The following HS6ST2 variants were observed in gnomAD, a reference collection of about 807,000 sequenced individuals.
HS6ST2 encodes the protein heparan-sulfate 6-O-sulfotransferase 2.
In HS6ST2, 17 loss-of-function variants were observed where a neutral mutation model predicts 33.0. The observed-to-expected ratio is 0.52, with a 90% confidence interval of 0.35 to 0.77. The LOEUF is 0.77. Ranked by LOEUF, HS6ST2 falls within the 30% of genes least tolerant of loss-of-function variation. The pLI is 0.01. For synonymous variants in HS6ST2, 248 were observed against 237.1 expected (o/e 1.05, Z -0.42); for missense variants, 519 against 551.7 (o/e 0.94, Z 0.59).
intron 2 of HS6ST2, among the ~76,000 whole-genome samples, chrX:132,804,438 G>A (rs908122909): frequency 2.7e-5 from 3 of 111,787 alleles, no homozygotes; most frequent in Non-Finnish European, 5.6e-5. Flanking sequence ...AAGCCCACAA[G>A]TTGCTATACT....
At chrX:132,812,510 C>T (rs2065358490) in intron 2 of HS6ST2, among the ~76,000 whole-genome samples, 1 of 106,954 alleles carries the variant, frequency 9.3e-6, no homozygotes, top group Non-Finnish European at 1.9e-5. Context: ...TTTTGATTTG[C>T]ATTTCCCTAA....
At chrX:132,777,785 C>T (rs753017697) in intron 2 of HS6ST2, among the ~76,000 whole-genome samples, 2 of 110,914 alleles carry the variant, frequency 1.8e-5, no homozygotes, top group South Asian at 3.9e-4. Context: ...TAGACTAATG[C>T]TCCATGTCCT....
chrX:132,637,841 T>TTTATATATAATATATATATAATATA (rs1569475914), intron 4 of HS6ST2, among the ~76,000 whole-genome samples: 14 of 41,940 alleles, frequency 3.3e-4, no homozygotes, highest in East Asian at 2.7e-3. Context: ...TATATAATAT[T>TTTATATATAATATATATATAATATA]TTATATATAA....
chrX:132,644,468 G>T (rs1419605504), intron 4 of HS6ST2, among the ~76,000 whole-genome samples: 5 of 111,213 alleles, frequency 4.5e-5, no homozygotes, highest in African/African-American at 1.6e-4. Context: ...AGTGGGTCTA[G>T]GACCAGAACC....
intron 4 of HS6ST2, among the ~76,000 whole-genome samples, chrX:132,629,970 G>A (rs1342936404): frequency 1.8e-5 from 2 of 112,617 alleles, no homozygotes; most frequent in East Asian, 5.6e-4. Context: ...CTGTATGGCT[G>A]TCTTCTCTTT....
At chrX:132,684,271 G>C (rs1450355330) in intron 3 of HS6ST2, among the ~76,000 whole-genome samples, 1 of 99,258 alleles carries the variant, frequency 1.0e-5, no homozygotes, top group Non-Finnish European at 2.0e-5. Context: ...GTATATATAT[G>C]TATATACATA....
At chrX:132,845,109 A>G (rs1164473931) in intron 2 of HS6ST2, among the ~76,000 whole-genome samples, 1 of 108,468 alleles carries the variant, frequency 9.2e-6, no homozygotes, top group Non-Finnish European at 1.9e-5. Context: ...TTATATATTA[A>G]CAATTAATAA....
intron 2 of HS6ST2, among the ~76,000 whole-genome samples, chrX:132,897,535 G>C (rs1306841961): frequency 9.0e-6 from 1 of 111,675 alleles, no homozygotes; most frequent in Non-Finnish European, 1.9e-5. Context: ...GCAGATGTGA[G>C]GATTCAGTGA....
At chrX:132,895,876 TG>T (rs1283744775) in intron 2 of HS6ST2, among the ~76,000 whole-genome samples, 1 of 110,876 alleles carries the variant, frequency 9.0e-6, no homozygotes, top group Non-Finnish European at 1.9e-5. Context: ...TGATGAAAAC[TG>T]CAACTCAGGT....
At chrX:132,710,816 T>C (rs1297917375) in intron 2 of HS6ST2, among the ~76,000 whole-genome samples, 1 of 111,708 alleles carries the variant, frequency 9.0e-6, no homozygotes, top group East Asian at 2.8e-4. Flanking sequence ...CTTGAAATAC[T>C]GTAAAAACAG....
intron 2 of HS6ST2, among the ~76,000 whole-genome samples, chrX:132,710,179 C>T (rs925549392): frequency 3.6e-5 from 4 of 110,647 alleles, no homozygotes; most frequent in Non-Finnish European, 5.7e-5. Context: ...TATTGAGTGA[C>T]GATCCATGAA....
intron 2 of HS6ST2, among the ~76,000 whole-genome samples, chrX:132,934,020 G>A (rs2066799834): frequency 9.1e-6 from 1 of 110,420 alleles, no homozygotes; most frequent in Non-Finnish European, 1.9e-5. Context: ...GGTAATTCAA[G>A]TCCACATGAA....
At chrX:132,850,225 A>C (rs1326214207) in intron 2 of HS6ST2, among the ~76,000 whole-genome samples, 1 of 112,015 alleles carries the variant, frequency 8.9e-6, no homozygotes, top group African/African-American at 3.2e-5. Context: ...TTTTCTTTTA[A>C]AGCCCACATC....
intron 1 of HS6ST2, among the ~76,000 whole-genome samples, chrX:132,957,948 C>G (rs1056329108): frequency 8.9e-6 from 1 of 112,142 alleles, no homozygotes; most frequent in Non-Finnish European, 1.9e-5. Context: ...GCCGGCAGCC[C>G]GACTTGCTAT....
intron 4 of HS6ST2, among the ~76,000 whole-genome samples, chrX:132,664,470 C>T (rs898833073): frequency 5.4e-5 from 6 of 111,925 alleles, no homozygotes; most frequent in Non-Finnish European, 9.4e-5. Flanking sequence ...AAGGTACTTC[C>T]GGCAAAGGCA....
intron 2 of HS6ST2, among the ~76,000 whole-genome samples, chrX:132,920,603 GA>G (rs1017689386): frequency 7.2e-5 from 8 of 111,555 alleles, no homozygotes; most frequent in Admixed American, 1.9e-4. Context: ...TGATTTAAAA[GA>G]AAAAAAACAG....
At position 132,628,521 on chromosome X, in the gene HS6ST2, T is replaced by G. The variant is rs368413228; in HGVS notation, c.1640A>C (p.His547Pro). 7.4e-5 allele frequency: 90 copies of G among 1,209,252 alleles called. No homozygotes were observed. In the African/African-American group the frequency reaches 1.3e-3, roughly 17 times the overall value. Residue 547 changes from histidine (H) to proline (P), a missense_variant, in exon 5 of 5, where the codon CAT (histidine) becomes CCT (proline). By Grantham distance (77) the His-to-Pro change is moderately conservative. Coordinates refer to ENST00000370833, the MANE Select transcript of HS6ST2 (RefSeq NM_001394073.1). ...CTGACGCTTTCGCCTGGCCTCCTGA[T>G]GCTCTTTCTGCCTCATAAACTGATA... is the stretch of plus-strand genomic sequence containing the variant. The part of the protein sequence containing the change: ...QRYQFMRQKE[H>P]QEARRKRQEQ...
intron 4 of HS6ST2, among the ~76,000 whole-genome samples, chrX:132,640,029 C>A (rs906113839): frequency 3.6e-5 from 4 of 111,680 alleles, no homozygotes; most frequent in Non-Finnish European, 7.5e-5. Context: ...ACATAGTGCC[C>A]TTTTAGCCCT....
At chrX:132,848,363 G>A (rs756467272) in intron 2 of HS6ST2, among the ~76,000 whole-genome samples, 1 of 112,674 alleles carries the variant, frequency 8.9e-6, no homozygotes, top group African/African-American at 3.2e-5. Context: ...GTCATAGGAC[G>A]AAGCTTGGCA....
Sources: allele counts gnomAD v4.1 joint callset (sites outside exome capture counted in the v4.1 genomes callset), GRCh38; gene constraint gnomAD v4.1.1; transcripts MANE v1.5; gene names NCBI Gene and HGNC (gene_info 2026-07-23, HGNC 2026-07-21).